The following SEMA3C variants were observed in gnomAD, a reference collection of about 807,000 sequenced individuals.
SEMA3C encodes the protein semaphorin 3C.
SEMA3C carries 47 observed loss-of-function variants against 89.4 expected under a neutral mutation model. The ratio of observed to expected loss-of-function variants is 0.53; its 90% confidence interval spans 0.42 to 0.67. SEMA3C has a LOEUF of 0.67. Among genes scored for constraint, SEMA3C ranks in the 30% least tolerant of loss-of-function variants. The probability of loss-of-function intolerance (pLI) is 0.00; values close to 1 mark genes in which losing one functional copy is unlikely to be tolerated. For synonymous variants in SEMA3C, 310 were observed against 320.2 expected (o/e 0.97, Z 0.34); for missense variants, 839 against 929.1 (o/e 0.90, Z 1.26).
intron 12 of SEMA3C, among the ~76,000 whole-genome samples, chr7:80,772,834 T>C (rs1432131076): frequency 6.6e-6 from 1 of 152,128 alleles, no homozygotes. Flanking sequence ...TTCACTTGGC[T>C]CCTTAGCACC....
chr7:80,834,523 T>C (rs1295923477), intron 2 of SEMA3C, among the ~76,000 whole-genome samples: 2 of 152,178 alleles, frequency 1.3e-5, no homozygotes, highest in Non-Finnish European at 2.9e-5. Context: ...AGTAACATAT[T>C]ATGTCCATCA....
chr7:80,873,348 T>C (rs1254715373), intron 2 of SEMA3C, among the ~76,000 whole-genome samples: 1 of 152,164 alleles, frequency 6.6e-6, no homozygotes, highest in Non-Finnish European at 1.5e-5. Flanking sequence ...CTTGCAGATG[T>C]TTCGAGTTTG....
At chr7:80,883,406 C>T (rs1283789960) in intron 2 of SEMA3C, among the ~76,000 whole-genome samples, 3 of 152,186 alleles carry the variant, frequency 2.0e-5, no homozygotes, top group African/African-American at 4.8e-5. Flanking sequence ...TGTGTTTGAA[C>T]TGTGCTTGAT....
At chr7:80,809,970 C>CA (rs551576575) in intron 6 of SEMA3C, among the ~76,000 whole-genome samples, 106 of 148,052 alleles carry the variant, frequency 7.2e-4, no homozygotes, top group South Asian at 1.3e-3. Context: ...GAGGGAGGGG[C>CA]AAAAAAAAAG....
intron 12 of SEMA3C, among the ~76,000 whole-genome samples, chr7:80,789,051 C>T (rs1262590871): frequency 6.6e-6 from 1 of 151,774 alleles, no homozygotes; most frequent in Non-Finnish European, 1.5e-5. Flanking sequence ...ATCATATAGC[C>T]CTACCTACAT....
intron 2 of SEMA3C, among the ~76,000 whole-genome samples, chr7:80,834,404 G>A (rs1341882652): frequency 6.6e-6 from 1 of 152,124 alleles, no homozygotes; most frequent in Non-Finnish European, 1.5e-5. Context: ...ACCAAAGCTG[G>A]AAGAACAATA....
intron 5 of SEMA3C, among the ~76,000 whole-genome samples, chr7:80,812,292 A>G (rs531850274): frequency 6.6e-6 from 1 of 152,202 alleles, no homozygotes; most frequent in Non-Finnish European, 1.5e-5. Flanking sequence ...ATCTTCATCA[A>G]TGAAGTCACT....
At chr7:80,913,037 C>T (rs1309536034) in intron 2 of SEMA3C, among the ~76,000 whole-genome samples, 14 of 152,034 alleles carry the variant, frequency 9.2e-5, no homozygotes, top group Admixed American at 9.2e-4. Flanking sequence ...TATCAAAGAC[C>T]TGGAGACTTT....
chr7:80,916,307 G>C (rs1185778339), intron 2 of SEMA3C, among the ~76,000 whole-genome samples: 1 of 152,108 alleles, frequency 6.6e-6, no homozygotes, highest in Non-Finnish European at 1.5e-5. Flanking sequence ...AACCTGCATA[G>C]CTCTCTCTGC....
At chr7:80,882,207 A>T (rs1027444396) in intron 2 of SEMA3C, among the ~76,000 whole-genome samples, 10 of 152,084 alleles carry the variant, frequency 6.6e-5, no homozygotes, top group Admixed American at 5.2e-4. Flanking sequence ...TACTGTGTGG[A>T]TCAGACCACT....
intron 11 of SEMA3C, among the ~76,000 whole-genome samples, chr7:80,794,143 G>A (rs918096795): frequency 2.6e-5 from 4 of 151,546 alleles, no homozygotes; most frequent in Admixed American, 2.0e-4. Context: ...ACAGAGCTTC[G>A]AAAAATCACT....
chr7:80,773,482 G>A (rs909045789), intron 12 of SEMA3C, among the ~76,000 whole-genome samples: 4 of 152,120 alleles, frequency 2.6e-5, no homozygotes, highest in Non-Finnish European at 5.9e-5. Flanking sequence ...GTACTTTCCT[G>A]CAGCAAGCAA....
At chr7:80,922,192 A>T (rs1792421072), upstream of SEMA3C, 1 of 1,204,278 alleles carries the variant, frequency 8.3e-7, no homozygotes, top group Non-Finnish European at 1.1e-6. Context: ...AAATATCAGA[A>T]TAGGAAGAGA....
chr7:80,884,222 G>A (rs1485470336), intron 2 of SEMA3C, among the ~76,000 whole-genome samples: 2 of 152,124 alleles, frequency 1.3e-5, no homozygotes, highest in East Asian at 3.9e-4. Context: ...CCTAAAAGAT[G>A]TGAAATATTT....
At chr7:80,918,305 T>C (rs79139298) in intron 1 of SEMA3C, 144 of 152,348 alleles carry the variant, frequency 9.5e-4, no homozygotes, top group African/African-American at 3.3e-3. Context: ...TCTTACCTTA[T>C]ATGTTTCTCC....
chr7:80,803,251 T>C (rs966341941), intron 8 of SEMA3C, among the ~76,000 whole-genome samples: 6 of 152,156 alleles, frequency 3.9e-5, no homozygotes, highest in African/African-American at 7.2e-5. Context: ...AATTATCACA[T>C]AATTTTCAGT....
chr7:80,805,903 A>G, intron 6 of SEMA3C, 145 bp from the exon 7 acceptor site: 1 of 486,516 alleles, frequency 2.1e-6, no homozygotes, highest in Non-Finnish European at 3.5e-6. Flanking sequence ...TGCATTGTCC[A>G]GCAAATCAAT....
intron 9 of SEMA3C, among the ~76,000 whole-genome samples, chr7:80,801,611 A>T (rs1388188522): frequency 6.6e-6 from 1 of 152,092 alleles, no homozygotes. Flanking sequence ...TATTTATTTT[A>T]AATTAAAAAT....
chr7:80,838,608 A>G (rs537065737), intron 2 of SEMA3C, among the ~76,000 whole-genome samples: 1 of 152,330 alleles, frequency 6.6e-6, no homozygotes, highest in East Asian at 1.9e-4. Flanking sequence ...CAAAGATAGT[A>G]CTTGGGACTG....
Sources: gnomAD v4.1 joint callset for allele counts (sites outside exome capture counted in the v4.1 genomes callset) on GRCh38, gnomAD v4.1.1 for gene constraint, MANE v1.5 for transcripts, NCBI Gene and HGNC (gene_info 2026-07-23, HGNC 2026-07-21) for gene names.